The following USP12 variants were observed in gnomAD, a reference collection of about 807,000 sequenced individuals.
USP12 encodes the protein ubiquitin carboxyl-terminal hydrolase 12.
A neutral mutation model predicts 45.5 loss-of-function variants in USP12; 19 were observed. The ratio of observed to expected loss-of-function variants is 0.42; its 90% CI spans 0.29 to 0.61. The LOEUF (loss-of-function observed/expected upper bound fraction) is 0.61. Among genes scored for constraint, USP12 ranks in the 20% least tolerant of loss-of-function variants. The probability of loss-of-function intolerance (pLI) is 0.22; values close to 1 mark genes in which losing one functional copy is unlikely to be tolerated. For synonymous variants in USP12, 149 were observed against 148.8 expected, an observed-to-expected ratio of 1.00 and a Z score of -0.01; for missense variants, 242 against 447.7, an observed-to-expected ratio of 0.54 and a Z score of 4.15.
chr13:27,090,807 G>T (rs563447000), intron 4 of USP12, among the ~76,000 whole-genome samples: 15 of 152,130 alleles, frequency 9.9e-5, no homozygotes, highest in Non-Finnish European at 2.2e-4. Context: ...TCTCCACTCA[G>T]TTAAGCAAAT....
chr13:27,154,005 T>A (rs1877702790), intron 1 of USP12, among the ~76,000 whole-genome samples: 1 of 152,228 alleles, frequency 6.6e-6, no homozygotes, highest in Non-Finnish European at 1.5e-5. Flanking sequence ...AATCCTCAAA[T>A]TAGAGCTTCT....
chr13:27,084,876 T>C (rs781433380), intron 6 of USP12, among the ~76,000 whole-genome samples: 2 of 152,224 alleles, frequency 1.3e-5, no homozygotes, highest in Non-Finnish European at 2.9e-5. Flanking sequence ...TAGGGTCTTC[T>C]GTGATTCCAT....
At chr13:27,071,477 A>G (rs531591979) in intron 7 of USP12, among the ~76,000 whole-genome samples, 1 of 152,340 alleles carries the variant, frequency 6.6e-6, no homozygotes, top group East Asian at 1.9e-4. Context: ...CTATCATTTT[A>G]TAAGGGAGGG....
At chr13:27,151,986 A>G (rs1396876295) in intron 1 of USP12, among the ~76,000 whole-genome samples, 1 of 152,188 alleles carries the variant, frequency 6.6e-6, no homozygotes, top group Non-Finnish European at 1.5e-5. Flanking sequence ...GAATGGCTAC[A>G]GTCAGAAAGT....
rs1032144273 is a variant in USP12, at chr13:27,155,655, C to T, written c.48+15937G>A. ...GAGTAGTAAATATATAACCCTGAGG[C>T]GGAACATATTAAAAAATGGAAAATA... On this transcript the variant is annotated intron_variant, in intron 1 of 8. Transcript: ENST00000282344. 1.1e-4 allele frequency among the ~76,000 whole-genome samples: 17 copies of T among 152,076 alleles called. No homozygotes were observed. In the Middle Eastern group the frequency reaches 0.01, roughly 91 times the overall value.
chr13:27,112,248 A>G (rs1232535246), intron 2 of USP12, among the ~76,000 whole-genome samples: 1 of 150,992 alleles, frequency 6.6e-6, no homozygotes, highest in Non-Finnish European at 1.5e-5. Flanking sequence ...CACATAAAAC[A>G]CTCAGAACAG....
In USP12 at chr13:27,117,640, C is replaced by T. The variant is rs188275658; in HGVS notation, c.49-1044G>A. 129 of 373,188 alleles carry T rather than the reference C, an allele frequency of 3.5e-4. 1 individual carries two copies. The highest frequency in any genetic ancestry group is 2.3e-3 in the African/African-American group (108 of 47,444). The allele number at this position is 373,188 out of a possible 1,614,324, so 23.1% of individuals were successfully genotyped here. ...ACGTGTGTGTGTGTTTAATAGCACA[C>T]GGAAAGCAGACCGAAGAATGTATAT... On this transcript the variant is annotated intron_variant, in intron 1 of 8. Coordinates refer to ENST00000282344, the MANE Select transcript of USP12 (RefSeq NM_182488.4).
At chr13:27,108,191 T>C (rs549048431) in intron 2 of USP12, among the ~76,000 whole-genome samples, 1 of 151,978 alleles carries the variant, frequency 6.6e-6, no homozygotes, top group African/African-American at 2.4e-5. Context: ...CACCATGGAA[T>C]ACTATGCAGC....
At chr13:27,121,488 A>G (rs1362223599) in intron 1 of USP12, among the ~76,000 whole-genome samples, 1 of 152,200 alleles carries the variant, frequency 6.6e-6, no homozygotes, top group East Asian at 1.9e-4. Context: ...TCATAAGTCA[A>G]AAATTACAAA....
chr13:27,114,901 C>T (rs1875647728), intron 2 of USP12, among the ~76,000 whole-genome samples: 1 of 152,056 alleles, frequency 6.6e-6, no homozygotes, highest in Non-Finnish European at 1.5e-5. Flanking sequence ...GGCAGGATTG[C>T]CTGAGCCCAG....
intron 1 of USP12, among the ~76,000 whole-genome samples, chr13:27,169,835 A>G (rs969506224): frequency 6.6e-6 from 1 of 152,128 alleles, no homozygotes. Flanking sequence ...CTGCATCCCC[A>G]GTACTCAGCG....
intron 2 of USP12, among the ~76,000 whole-genome samples, 154 bp from the exon 3 acceptor site, chr13:27,106,098 ACT>A (rs1875123261): frequency 6.6e-6 from 1 of 152,168 alleles, no homozygotes; most frequent in African/African-American, 2.4e-5. Context: ...TTAAAATACA[ACT>A]CTCAAAAATT....
At chr13:27,165,426 A>G (rs78212926) in intron 1 of USP12, among the ~76,000 whole-genome samples, 2,638 of 152,264 alleles carry the variant, frequency 0.017, 79 homozygotes, top group African/African-American at 0.061. Flanking sequence ...TTTGGTTAGT[A>G]TATGTTGAGC....
chr13:27,095,797 T>G lies in USP12; in HGVS notation c.377A>C (p.His126Pro). 1 of 1,610,504 alleles carries G rather than the reference T, an allele frequency of 6.2e-7. No individual in the cohort carries two copies. The highest frequency in any genetic ancestry group is 8.5e-7 in the Non-Finnish European group (1 of 1,178,804). ...ATTTAGTAGGTAATTTAAGAATTCA[T>G]GGGCATCTTGTTGCATGTAGTTGTC... ...LFDNYMQQDA[H>P]EFLNYLLNTI... is the part of the protein sequence containing the mutation. Residue 126 changes from histidine (H) to proline (P), a missense_variant, in exon 4 of 9, where the codon CAT becomes CCT. Physicochemically the swap from His to Pro is moderately conservative, Grantham distance 77. Around this residue, in one of 5 missense-constraint regions of USP12, gnomAD observed 77 missense variants for 153.7 expected, o/e 0.50. Coordinates refer to ENST00000282344, the MANE Select transcript of USP12 (RefSeq NM_182488.4).
At chr13:27,141,585 T>C (rs1240126752) in intron 1 of USP12, among the ~76,000 whole-genome samples, 1 of 152,162 alleles carries the variant, frequency 6.6e-6, no homozygotes, top group Non-Finnish European at 1.5e-5. Context: ...CTTGAAGCTA[T>C]TGGTCCCATC....
intron 6 of USP12, among the ~76,000 whole-genome samples, chr13:27,076,892 G>C (rs943515010): frequency 6.6e-6 from 1 of 152,122 alleles, no homozygotes; most frequent in Non-Finnish European, 1.5e-5. Context: ...TAAACACCTA[G>C]TCACTCCTAG....
At chr13:27,079,960 T>A (rs1873672705) in intron 6 of USP12, among the ~76,000 whole-genome samples, 1 of 152,214 alleles carries the variant, frequency 6.6e-6, no homozygotes, top group Non-Finnish European at 1.5e-5. Context: ...GAATGCTTTA[T>A]GTGAGAAAGA....
At chr13:27,070,007 C>T (rs1873169243) in intron 8 of USP12, among the ~76,000 whole-genome samples, 2 of 152,082 alleles carry the variant, frequency 1.3e-5, no homozygotes, top group Admixed American at 6.6e-5. Flanking sequence ...TGAGTGTATA[C>T]GTCCAGCAAA....
intron 2 of USP12, among the ~76,000 whole-genome samples, chr13:27,114,605 G>A (rs1454772973): frequency 1.3e-5 from 2 of 152,102 alleles, no homozygotes; most frequent in Admixed American, 6.5e-5. Flanking sequence ...GTAATTAAGA[G>A]TAAGCTGCCA....
Sources: allele counts gnomAD v4.1 joint callset (sites outside exome capture counted in the v4.1 genomes callset), GRCh38; gene constraint gnomAD v4.1.1; regional missense constraint gnomAD v4.1.1; transcripts MANE v1.5; gene names NCBI Gene and HGNC (gene_info 2026-07-23, HGNC 2026-07-21).